DPYSL5: variants seen among roughly 807,000 people sequenced by gnomAD.
DPYSL5 encodes dihydropyrimidinase-related protein 5.
In DPYSL5, 9 loss-of-function variants were observed where a neutral mutation model predicts 58.4. That is an observed-to-expected ratio of 0.15 (90% confidence interval 0.09 to 0.27). DPYSL5 has a LOEUF of 0.27. DPYSL5 is among the 10% of genes least tolerant of loss of function. The pLI is 1.00. For missense variants in DPYSL5, 499 were observed against 770.6 expected (o/e 0.65, Z 4.17); for synonymous variants, 293 against 301.9 (o/e 0.97, Z 0.31).
intron 1 of DPYSL5, among the ~76,000 whole-genome samples, chr2:26,894,094 T>C (rs1316813643): frequency 2.0e-5 from 3 of 149,910 alleles, no homozygotes; most frequent in Admixed American, 6.7e-5. Context: ...ATTCATATTA[T>C]AAATATAAAT....
intron 1 of DPYSL5, among the ~76,000 whole-genome samples, chr2:26,870,702 CTG>C (rs2148116833): frequency 7.1e-6 from 1 of 140,412 alleles, no homozygotes; most frequent in South Asian, 2.2e-4. Context: ...AAGAAAGACT[CTG>C]TCTCAAAAAA....
rs1170446630 is a variant in DPYSL5, at chr2:26,933,994, G to T, written c.791-584G>T. ...CAACTATAATCGATCAGAAGCAAGG[G>T]CATCCTGGCCTTCAACTCTATCGCC... On this transcript the variant is annotated intron_variant, in intron 7 of 12. Coordinates refer to ENST00000288699, the MANE Select transcript of DPYSL5 (RefSeq NM_020134.4). This position sits in a 1 kb window ranked among gnomAD's most constrained non-coding sequence, Gnocchi z 4.2. Among the ~76,000 whole-genome samples the T allele has an allele frequency of 6.6e-6, 1 of 152,008 alleles. No individual in the cohort carries two copies. Among genetic ancestry groups the T allele is most frequent in the Non-Finnish European group, 1.5e-5 (1 of 67,988 alleles).
chr2:26,888,459 CG>C (rs1326217855), intron 1 of DPYSL5, among the ~76,000 whole-genome samples: 1 of 151,866 alleles, frequency 6.6e-6, no homozygotes, highest in Non-Finnish European at 1.5e-5. Flanking sequence ...TTGGTAGGGA[CG>C]GGGGTTTCAC....
chr2:26,928,704 T>TATATATATATAC, intron 5 of DPYSL5, among the ~76,000 whole-genome samples: 5 of 62,958 alleles, frequency 7.9e-5, no homozygotes, highest in African/African-American at 2.5e-4. Flanking sequence ...TATATATATA[T>TATATATATATAC]ACACACACAC....
intron 1 of DPYSL5, among the ~76,000 whole-genome samples, chr2:26,897,369 A>G (rs1302777891): frequency 6.6e-6 from 1 of 152,142 alleles, no homozygotes; most frequent in Non-Finnish European, 1.5e-5. Context: ...TTTATCATGA[A>G]TGGGTGTTGA....
intron 1 of DPYSL5, among the ~76,000 whole-genome samples, chr2:26,880,038 G>T (rs534002455): frequency 6.6e-6 from 1 of 151,834 alleles, no homozygotes; most frequent in Non-Finnish European, 1.5e-5. Context: ...CTACAGGCAC[G>T]CACCACCACA....
intron 9 of DPYSL5, among the ~76,000 whole-genome samples, chr2:26,940,717 CCT>C (rs1248421712): frequency 6.6e-6 from 1 of 151,564 alleles, no homozygotes; most frequent in East Asian, 1.9e-4. Context: ...AACACTATAC[CCT>C]GAGTGTCTCC....
chr2:26,922,963 C>T (rs141990135), intron 2 of DPYSL5, among the ~76,000 whole-genome samples: 1 of 152,306 alleles, frequency 6.6e-6, no homozygotes, highest in East Asian at 1.9e-4. Flanking sequence ...TGGGAACATT[C>T]TCGCTGGCCC....
At chr2:26,867,691 G>A (rs1225094601) in intron 1 of DPYSL5, among the ~76,000 whole-genome samples, 1 of 151,852 alleles carries the variant, frequency 6.6e-6, no homozygotes, top group Non-Finnish European at 1.5e-5. Flanking sequence ...TCCTGACCTC[G>A]TGATCCGCCC....
chr2:26,910,703 C>T (rs1315926210), intron 2 of DPYSL5, among the ~76,000 whole-genome samples: 1 of 150,994 alleles, frequency 6.6e-6, no homozygotes, highest in Non-Finnish European at 1.5e-5. Context: ...GATCTGCCCG[C>T]CCCAGCCTCC....
Position 26,934,524 on chromosome 2 carries a change from G to C in DPYSL5, c.791-54G>C. ...TGTAAAATGAGAGGCACACACCAGCGATCGCTCAGGTTCGGTGGCTTCCTG... is the reference window on the plus strand; with the variant it reads ...TGTAAAATGAGAGGCACACACCAGCCATCGCTCAGGTTCGGTGGCTTCCTG... On this transcript the variant is annotated intron_variant, in intron 7 of 12. Transcript: ENST00000288699. The surrounding 1 kb of genome is among the most constrained non-coding windows in gnomAD (Gnocchi z 4.3). The C allele has an allele frequency of 6.3e-7, 1 of 1,578,970 alleles. No individual in the cohort carries two copies. The highest frequency in any genetic ancestry group is 1.1e-5 in the South Asian group (1 of 87,680).
intron 2 of DPYSL5, among the ~76,000 whole-genome samples, chr2:26,909,881 G>A (rs902600841): frequency 6.6e-6 from 1 of 151,856 alleles, no homozygotes; most frequent in African/African-American, 2.4e-5. Flanking sequence ...AAAAAAAAAG[G>A]TATAATTAAT....
At chr2:26,920,920 C>T (rs1020340394) in intron 2 of DPYSL5, among the ~76,000 whole-genome samples, 9 of 152,144 alleles carry the variant, frequency 5.9e-5, no homozygotes, top group African/African-American at 2.2e-4. Context: ...TGACAGCCTT[C>T]GTGAACATCA....
Position 26,927,616 on chromosome 2 carries a change from TA to T in DPYSL5, c.600+190del. 6.6e-6 allele frequency among the ~76,000 whole-genome samples: 1 copy of T among 152,238 alleles called. No homozygotes were observed. Among genetic ancestry groups the T allele is most frequent in the Admixed American group, 6.5e-5 (1 of 15,286 alleles). ...AAAATCCAAACTTTACTACTGTCTG[TA>T]AAAAACAAATCTCTTTTTATGGTTC... is the stretch of plus-strand genomic sequence containing the variant. On this transcript the variant is annotated intron_variant, in intron 4 of 12. Transcript: ENST00000288699. The surrounding 1 kb of genome is among the most constrained non-coding windows in gnomAD (Gnocchi z 4.3).
Position 26,934,692 on chromosome 2 carries a change from T to A in DPYSL5, c.905T>A (p.Leu302Gln). The A allele has an allele frequency of 6.2e-7, 1 of 1,614,162 alleles. No homozygotes were observed. The highest frequency in any genetic ancestry group is 8.5e-7 in the Non-Finnish European group (1 of 1,180,022). ...TATGTCACGGTGCCTCCCCTGAGAC[T>A]GGACACCAACACCTCAACCTACCTC... The part of the protein sequence containing the change: ...AAYVTVPPLR[L>Q]DTNTSTYLMS... Residue 302 changes from leucine to glutamine, a missense_variant, in exon 8 of 13, where the codon CTG becomes CAG. Physicochemically the swap from Leu to Gln is moderately radical, Grantham distance 113. Transcript: ENST00000288699. This position sits in a 1 kb window ranked among gnomAD's most constrained non-coding sequence, Gnocchi z 4.3.
At chr2:26,929,949 A>G (rs1558349946) in intron 5 of DPYSL5, among the ~76,000 whole-genome samples, 5 of 152,236 alleles carry the variant, frequency 3.3e-5, no homozygotes, top group Admixed American at 1.3e-4. Context: ...CATTTCTTCA[A>G]AGCCTAAAAA....
At chr2:26,862,257 T>G (rs949432537) in intron 1 of DPYSL5, among the ~76,000 whole-genome samples, 3 of 152,228 alleles carry the variant, frequency 2.0e-5, no homozygotes, top group African/African-American at 7.2e-5. Context: ...AATACAGGGC[T>G]CTCTTGTGGC....
chr2:26,907,014 G>T (rs1439558751), intron 2 of DPYSL5, among the ~76,000 whole-genome samples: 1 of 152,116 alleles, frequency 6.6e-6, no homozygotes, highest in Non-Finnish European at 1.5e-5. Flanking sequence ...CGATCCTCCT[G>T]CCTCAGCCTC....
intron 1 of DPYSL5, among the ~76,000 whole-genome samples, chr2:26,867,649 G>C (rs1663133007): frequency 6.6e-6 from 1 of 151,736 alleles, no homozygotes; most frequent in Non-Finnish European, 1.5e-5. Context: ...TAGAGACGGG[G>C]TTTCACCGTT....
Sources: gnomAD v4.1 joint callset for allele counts (sites outside exome capture counted in the v4.1 genomes callset) on GRCh38, gnomAD v4.1.1 for gene constraint, Gnocchi (gnomAD v3.1) non-coding constraint, MANE v1.5 for transcripts, NCBI Gene and HGNC (gene_info 2026-07-23, HGNC 2026-07-21) for gene names.